The following WASHC4 variants were observed in gnomAD, a reference collection of about 807,000 sequenced individuals.
WASHC4 encodes the protein WASH complex subunit 7.
In WASHC4, 86 loss-of-function variants were observed where a neutral mutation model predicts 166.6. The observed-to-expected ratio is 0.52, with a 90% CI of 0.43 to 0.62. The LOEUF (loss-of-function observed/expected upper bound fraction) is 0.62. WASHC4 is among the 20% of genes least tolerant of loss of function. WASHC4 has a pLI of 0.00. For synonymous variants in WASHC4, 446 were observed against 451.6 expected, an observed-to-expected ratio of 0.99 and a Z score of 0.16; for missense variants, 1,262 against 1,382.4, an observed-to-expected ratio of 0.91 and a Z score of 1.38.
Position 105,164,273 on chromosome 12 carries a change from A to T in WASHC4, c.3320A>T (p.Asn1107Ile), listed in dbSNP as rs1245420577. ...SQDEKLLQTM[N>I]LTQKRLDVYL... The stretch of plus-strand genomic sequence containing the variant: ...GATGAAAAACTCTTACAAACCATGA[A>T]TCTCACTCAGAAGCGACTGGATGTC... The change falls in exon 31 of 33, where the codon AAT becomes ATT. Residue 1107 changes from asparagine to isoleucine, a missense_variant. By Grantham distance (149) the Asn-to-Ile change is moderately radical (BLOSUM62 -3). Coordinates refer to ENST00000332180, the MANE Select transcript of WASHC4 (RefSeq NM_015275.3). 1 of 1,613,926 alleles carries T rather than the reference A, an allele frequency of 6.2e-7. No homozygotes were observed. The highest frequency in any genetic ancestry group is 8.5e-7 in the Non-Finnish European group (1 of 1,179,958).
chr12:105,151,609 G>C (rs373139296), intron 25 of WASHC4, among the ~76,000 whole-genome samples: 1 of 152,174 alleles, frequency 6.6e-6, no homozygotes, highest in South Asian at 2.1e-4. Flanking sequence ...AGCCCCCTGA[G>C]TAGCTGGGAT....
chr12:105,129,419 CTT>C (rs1881594683), intron 13 of WASHC4, among the ~76,000 whole-genome samples: 1 of 152,112 alleles, frequency 6.6e-6, no homozygotes, highest in South Asian at 2.1e-4. Context: ...TATTTTTAAA[CTT>C]TTAAGTTCAG....
intron 18 of WASHC4, 99 bp from the exon 19 acceptor site, chr12:105,142,354 G>A: frequency 2.7e-6 from 2 of 751,976 alleles, no homozygotes; most frequent in Non-Finnish European, 4.8e-6. Flanking sequence ...TGCGAACTGT[G>A]TAAGATGGAA....
At chr12:105,112,347 A>T (rs967931684) in intron 2 of WASHC4, among the ~76,000 whole-genome samples, 3 of 152,182 alleles carry the variant, frequency 2.0e-5, no homozygotes, top group African/African-American at 7.2e-5. Context: ...TGCTATGAGC[A>T]TTTGGGCACA....
intron 24 of WASHC4, chr12:105,148,310 C>T (rs1220522131): frequency 4.1e-6 from 4 of 985,182 alleles, no homozygotes; most frequent in Non-Finnish European, 4.8e-6. Flanking sequence ...TAAAACTGAA[C>T]TTTTGAGAGT....
rs911654505 is a variant in WASHC4 at position 105,168,516 on chromosome 12, TTTTC to T, written c.*1588_*1591del. The T allele has an allele frequency of 2.0e-5, 3 of 152,558 alleles. No homozygotes were observed. Among genetic ancestry groups the T allele is most frequent in the African/African-American group, 7.2e-5 (3 of 41,554 alleles). 9.5% of individuals were successfully genotyped at this position (152,558 alleles called of 1,614,324 possible). ...ATAGCAACAGTATTGTTTTCTCTGT[TTTTC>T]TTCTCTAACTTCTCTGAAATCATCT... On this transcript the variant is annotated 3_prime_UTR_variant, in exon 33 of 33. Coordinates refer to ENST00000332180, the MANE Select transcript of WASHC4 (RefSeq NM_015275.3).
At chr12:105,114,089 T>G (rs1355658710) in intron 2 of WASHC4, 127 bp from the exon 3 acceptor site, 2 of 750,210 alleles carry the variant, frequency 2.7e-6, no homozygotes, top group Admixed American at 2.4e-5. Context: ...GTAGTTGATA[T>G]GGTGCTAATG....
intron 24 of WASHC4, chr12:105,147,501 A>G: frequency 1.7e-6 from 1 of 594,350 alleles, no homozygotes; most frequent in Non-Finnish European, 2.2e-6. Flanking sequence ...AGTCAACAAT[A>G]GATAGTAATT....
intron 2 of WASHC4, among the ~76,000 whole-genome samples, 168 bp from the exon 3 acceptor site, chr12:105,114,048 C>T (rs1276677485): frequency 1.3e-5 from 2 of 151,746 alleles, no homozygotes; most frequent in South Asian, 2.1e-4. Flanking sequence ...TCTTTCCTTA[C>T]GTGTTGTCTA....
chr12:105,120,420 A>C, intron 7 of WASHC4, 135 bp from the exon 8 acceptor site: 1 of 623,864 alleles, frequency 1.6e-6, no homozygotes, highest in South Asian at 1.8e-5. Context: ...GACGCTCTTA[A>C]ATTTTAAATA....
chr12:105,127,318 A>T (rs1408753357), intron 13 of WASHC4, 29 bp downstream of exon 13: 2 of 1,402,648 alleles, frequency 1.4e-6, no homozygotes, highest in Non-Finnish European at 2.0e-6. Flanking sequence ...TATAATGAAA[A>T]TATTTAGATA....
intron 32 of WASHC4, 80 bp from the exon 33 acceptor site, chr12:105,166,784 T>G: frequency 5.1e-6 from 5 of 976,652 alleles, no homozygotes; most frequent in Non-Finnish European, 6.4e-6. Flanking sequence ...ATACAGCTCT[T>G]CTCAAATTTC....
At chr12:105,151,644 G>A (rs1266768234) in intron 25 of WASHC4, among the ~76,000 whole-genome samples, 1 of 152,032 alleles carries the variant, frequency 6.6e-6, no homozygotes, top group African/African-American at 2.4e-5. Context: ...ACCACACCCA[G>A]CTAATTTTAG....
chr12:105,157,819 G>A (rs1207068023), intron 28 of WASHC4, among the ~76,000 whole-genome samples: 1 of 152,166 alleles, frequency 6.6e-6, no homozygotes, highest in Non-Finnish European at 1.5e-5. Context: ...GAATTGAAGT[G>A]TAAATTTTAT....
chr12:105,138,393 C>G (rs1258902992), intron 15 of WASHC4, among the ~76,000 whole-genome samples: 1 of 150,640 alleles, frequency 6.6e-6, no homozygotes, highest in African/African-American at 2.4e-5. Context: ...CTACCATTAT[C>G]CATTATAGTG....
In WASHC4 at chr12:105,140,351, A is replaced by T; in HGVS notation, c.1510A>T (p.Ile504Leu). ...SMVVADSVSH[I>L]TQHLQHQALH... is the part of the protein sequence containing the mutation. ...GGTTGTGGCTGATTCAGTTTCACAT[A>T]TAACACAGCACCTTCAACATCAGGC... Residue 504 changes from isoleucine to leucine, a missense_variant, in exon 16 of 33, where the codon ATA becomes TTA. Physicochemically the swap from Ile to Leu is conservative, Grantham distance 5 (BLOSUM62 2). Transcript: ENST00000332180. 1.2e-6 allele frequency: 2 copies of T among 1,613,984 alleles called. No individual in the cohort carries two copies. The highest frequency in any genetic ancestry group is 1.7e-6 in the Non-Finnish European group (2 of 1,179,856).
chr12:105,129,818 G>A lies in WASHC4; in HGVS notation c.1199+2529G>A, dbSNP rs1056830327. ...AACCAAAAGGTGAAGATGACAGATA[G>A]TAATGATAATAATTGCCAACATCAT... On this transcript the variant is annotated intron_variant, in intron 13 of 32. Coordinates refer to ENST00000332180, the MANE Select transcript of WASHC4 (RefSeq NM_015275.3). Among the ~76,000 whole-genome samples the A allele has an allele frequency of 5.9e-5, 9 of 152,220 alleles. No homozygotes were observed. In the South Asian group the frequency reaches 1.2e-3, roughly 21 times the overall value.
intron 20 of WASHC4, among the ~76,000 whole-genome samples, chr12:105,143,742 G>T (rs1357831749): frequency 2.0e-5 from 3 of 151,882 alleles, no homozygotes; most frequent in Non-Finnish European, 4.4e-5. Context: ...TCCATTTAGT[G>T]ATATTTTTAT....
chr12:105,114,638 T>C (rs542095223), intron 4 of WASHC4, among the ~76,000 whole-genome samples: 1 of 151,940 alleles, frequency 6.6e-6, no homozygotes, highest in South Asian at 2.1e-4. Flanking sequence ...CCCCAGGAGG[T>C]AGGTGAGACA....
Sources: gnomAD v4.1 joint callset for allele counts (sites outside exome capture counted in the v4.1 genomes callset) on GRCh38, gnomAD v4.1.1 for gene constraint, MANE v1.5 for transcripts, NCBI Gene and HGNC (gene_info 2026-07-23, HGNC 2026-07-21) for gene names.